The following TMEM232 variants were observed in gnomAD, a reference collection of about 807,000 sequenced individuals.
TMEM232 encodes the protein transmembrane protein 232.
Under a neutral mutation model 78.8 loss-of-function variants are expected in TMEM232, and 80 were observed. The ratio of observed to expected loss-of-function variants is 1.01; its 90% CI spans 0.85 to 1.22. TMEM232 has a LOEUF of 1.22. Ranked by LOEUF, TMEM232 falls within the 50% of genes most tolerant of loss-of-function variation. The pLI is 0.00. For missense variants in TMEM232, 881 were observed against 742.2 expected, an observed-to-expected ratio of 1.19 and a Z score of -2.17; for synonymous variants, 297 against 254.3, an observed-to-expected ratio of 1.17 and a Z score of -1.60.
chr5:110,662,831 C>T (rs1393642692), intron 2 of TMEM232, among the ~76,000 whole-genome samples: 1 of 151,886 alleles, frequency 6.6e-6, no homozygotes, highest in African/African-American at 2.4e-5. Flanking sequence ...AAAATTTCCA[C>T]ATAGATTATA....
chr5:110,450,210 A>G (rs7736771), intron 12 of TMEM232, among the ~76,000 whole-genome samples: 3,022 of 152,254 alleles, frequency 0.02, 66 homozygotes, highest in African/African-American at 0.051. Flanking sequence ...CTGTGAGTCA[A>G]TTAATCCTCT....
chr5:110,473,022 T>C (rs1246027677), intron 12 of TMEM232, among the ~76,000 whole-genome samples: 2 of 151,738 alleles, frequency 1.3e-5, no homozygotes, highest in Non-Finnish European at 3.0e-5. Context: ...GGCAAAGATT[T>C]TTTTGGATAA....
At chr5:110,586,313 T>A (rs1257716835) in intron 10 of TMEM232, among the ~76,000 whole-genome samples, 1 of 152,104 alleles carries the variant, frequency 6.6e-6, no homozygotes, top group African/African-American at 2.4e-5. Context: ...AATTTGTGAT[T>A]TTTCTGTTTT....
At chr5:110,456,195 A>G (rs1760874044) in intron 12 of TMEM232, among the ~76,000 whole-genome samples, 1 of 152,214 alleles carries the variant, frequency 6.6e-6, no homozygotes, top group Non-Finnish European at 1.5e-5. Flanking sequence ...TAGGTACATT[A>G]GAACTAGTGA....
intron 11 of TMEM232, among the ~76,000 whole-genome samples, chr5:110,542,192 TC>T (rs1216414301): frequency 1.3e-5 from 2 of 152,172 alleles, no homozygotes; most frequent in East Asian, 3.9e-4. Flanking sequence ...CCACCAACTT[TC>T]CTTGGTGTCT....
intron 2 of TMEM232, among the ~76,000 whole-genome samples, chr5:110,410,185 T>G (rs1175165617): frequency 3.2e-5 from 4 of 126,588 alleles, no homozygotes; most frequent in African/African-American, 1.0e-4. Context: ...TGGAACTCTG[T>G]GTTAATTCTA....
intron 12 of TMEM232, among the ~76,000 whole-genome samples, chr5:110,461,283 C>T (rs1454300453): frequency 6.6e-6 from 1 of 151,958 alleles, no homozygotes; most frequent in East Asian, 1.9e-4. Context: ...AATTTAATTG[C>T]TGATATGGAG....
At chr5:110,674,821 A>G (rs1331912027) in intron 1 of TMEM232, among the ~76,000 whole-genome samples, 2 of 152,194 alleles carry the variant, frequency 1.3e-5, no homozygotes, top group African/African-American at 4.8e-5. Flanking sequence ...GAACAAATAA[A>G]TCTAGTAAAC....
At chr5:110,738,392 C>T (rs1799441755), upstream of TMEM232, 1 of 517,040 alleles carries the variant, frequency 1.9e-6, no homozygotes, top group Non-Finnish European at 2.6e-6. Context: ...TCTTTACAGC[C>T]TTAGAAAAGG....
intron 12 of TMEM232, among the ~76,000 whole-genome samples, chr5:110,494,897 A>G (rs961061969): frequency 4.6e-5 from 7 of 151,862 alleles, no homozygotes; most frequent in African/African-American, 1.4e-4. Context: ...ATCAAGCTAG[A>G]CTAGATAATA....
At chr5:110,620,924 G>A (rs769447989) in intron 7 of TMEM232, among the ~76,000 whole-genome samples, 1 of 142,192 alleles carries the variant, frequency 7.0e-6, no homozygotes, top group Non-Finnish European at 1.5e-5. Flanking sequence ...GTGTGATGGC[G>A]TGATCTTGGC....
chr5:110,639,042 G>A (rs948579463), intron 4 of TMEM232, among the ~76,000 whole-genome samples: 1 of 152,138 alleles, frequency 6.6e-6, no homozygotes, highest in Non-Finnish European at 1.5e-5. Context: ...AAATATATGA[G>A]GACGAACAGC....
intron 11 of TMEM232, among the ~76,000 whole-genome samples, chr5:110,545,579 T>G (rs982751245): frequency 1.3e-5 from 2 of 152,008 alleles, no homozygotes; most frequent in African/African-American, 4.8e-5. Flanking sequence ...AAGCCACATG[T>G]GGAGAAGGAG....
chr5:110,576,202 C>T lies in TMEM232; in HGVS notation c.1277-7577G>A, dbSNP rs1581267590. Among the ~76,000 whole-genome samples, 7 of 152,000 alleles carry T rather than the reference C, an allele frequency of 4.6e-5. No individual in the cohort carries two copies. In the East Asian group the frequency reaches 1.4e-3, roughly 29 times the overall value. On this transcript the variant is annotated intron_variant, in intron 10 of 13. Transcript: ENST00000455884. ...TCAGCAAAGTCTCAGCATGCAAAAT[C>T]GATGCGCAAAAATTGTTAGCATTCC...
intron 1 of TMEM232, among the ~76,000 whole-genome samples, chr5:110,676,711 AC>A (rs1305646310): frequency 1.3e-5 from 2 of 151,272 alleles, no homozygotes; most frequent in Non-Finnish European, 1.5e-5. Flanking sequence ...GGAGTAAGCC[AC>A]CATGCCGGAC....
chr5:110,638,902 A>C (rs998276572), intron 4 of TMEM232, among the ~76,000 whole-genome samples: 1 of 152,212 alleles, frequency 6.6e-6, no homozygotes, highest in Non-Finnish European at 1.5e-5. Context: ...AGGGAATAGC[A>C]GAAGACTAGA....
chr5:110,656,586 T>A (rs1218692858), intron 2 of TMEM232, among the ~76,000 whole-genome samples: 1 of 152,156 alleles, frequency 6.6e-6, no homozygotes, highest in African/African-American at 2.4e-5. Context: ...ACGCCTATAA[T>A]CCCAGCACTT....
intron 12 of TMEM232, among the ~76,000 whole-genome samples, chr5:110,514,997 A>G (rs1581024014): frequency 1.3e-5 from 2 of 152,260 alleles, no homozygotes; most frequent in Non-Finnish European, 2.9e-5. Flanking sequence ...CTCAAGGCTT[A>G]GGTATCAGAT....
intron 1 of TMEM232, among the ~76,000 whole-genome samples, chr5:110,711,241 G>C (rs957814733): frequency 2.0e-5 from 3 of 151,944 alleles, no homozygotes; most frequent in African/African-American, 7.3e-5. Flanking sequence ...ACAAAACACT[G>C]GTGAAAGAAA....
Sources: gnomAD v4.1 joint callset for allele counts (sites outside exome capture counted in the v4.1 genomes callset) on GRCh38, gnomAD v4.1.1 for gene constraint, MANE v1.5 for transcripts, NCBI Gene and HGNC (gene_info 2026-07-23, HGNC 2026-07-21) for gene names.